The following RIMS2 variants were observed in gnomAD, a reference collection of about 807,000 sequenced individuals.
RIMS2 encodes regulating synaptic membrane exocytosis protein 2.
In RIMS2, 59 loss-of-function variants were observed where a neutral mutation model predicts 174.4. The observed-to-expected ratio is 0.34, with a 90% CI of 0.27 to 0.42. RIMS2 has a LOEUF of 0.42. RIMS2 is among the 10% of genes least tolerant of loss of function. The pLI is 1.00. For missense variants in RIMS2, 1,620 were observed against 1,666.3 expected (o/e 0.97, Z 0.48); for synonymous variants, 606 against 572.5 (o/e 1.06, Z -0.84).
intron 3 of RIMS2, among the ~76,000 whole-genome samples, chr8:103,859,972 A>G (rs2099049972): frequency 6.6e-6 from 1 of 152,106 alleles, no homozygotes; most frequent in African/African-American, 2.4e-5. Flanking sequence ...TAAGACGTGC[A>G]TTCCTCTGTG....
chr8:103,980,149 G>A (rs920433878), intron 16 of RIMS2, among the ~76,000 whole-genome samples: 2 of 152,116 alleles, frequency 1.3e-5, no homozygotes, highest in African/African-American at 4.8e-5. Context: ...CCCAGGCAGT[G>A]CAACTCACAG....
intron 15 of RIMS2, among the ~76,000 whole-genome samples, chr8:103,967,851 C>CCTTTTTTTT (rs1299977306): frequency 2.7e-5 from 3 of 109,556 alleles, no homozygotes; most frequent in Non-Finnish European, 5.5e-5. Context: ...CCTACTCCTG[C>CCTTTTTTTT]TTTTTTTTTT....
Position 104,015,500 on chromosome 8 carries a change from T to G in RIMS2, c.3334+885T>G, listed in dbSNP as rs191953557. 74 of 643,932 alleles carry G rather than the reference T, an allele frequency of 1.1e-4. No homozygotes were observed. The African/African-American group carries it at 1.2e-3, about 11-fold the overall frequency. The allele number at this position is 643,932 out of a possible 1,614,324, so 39.9% of individuals were successfully genotyped here. ...GTTTGTTTTGTGCTAACAGCCTTTTTGGGGGGCTAGTAAGCAAAAATAAAC... is the reference window on the plus strand; with the variant it reads ...GTTTGTTTTGTGCTAACAGCCTTTTGGGGGGGCTAGTAAGCAAAAATAAAC... On this transcript the variant is annotated intron_variant, in intron 19 of 23. Transcript: ENST00000504942.
intron 19 of RIMS2, among the ~76,000 whole-genome samples, chr8:104,034,352 T>C (rs547569398): frequency 2.0e-5 from 3 of 152,192 alleles, no homozygotes; most frequent in Admixed American, 6.5e-5. Context: ...TTTGGATGAA[T>C]TTTGAGTACT....
At chr8:103,623,264 A>G (rs557653412) in intron 1 of RIMS2, among the ~76,000 whole-genome samples, 37 of 152,158 alleles carry the variant, frequency 2.4e-4, no homozygotes, top group Non-Finnish European at 4.3e-4. Context: ...AAAAATGGGG[A>G]GTACAATAGC....
chr8:103,630,323 AC>A, intron 1 of RIMS2, among the ~76,000 whole-genome samples: 1 of 152,282 alleles, frequency 6.6e-6, no homozygotes, highest in South Asian at 2.1e-4. Context: ...TAACAAAAGT[AC>A]TATAAATTCA....
chr8:104,145,395 CTT>C (rs755735039), intron 19 of RIMS2, among the ~76,000 whole-genome samples: 21 of 151,990 alleles, frequency 1.4e-4, no homozygotes, highest in Non-Finnish European at 2.2e-4. Context: ...TGTAATACGT[CTT>C]TTCCTAGCCA....
At chr8:104,100,225 G>T (rs1333643157) in intron 19 of RIMS2, among the ~76,000 whole-genome samples, 3 of 152,034 alleles carry the variant, frequency 2.0e-5, no homozygotes, top group Non-Finnish European at 4.4e-5. Context: ...ATTGTAAATG[G>T]AATTGTTTCA....
chr8:103,849,253 C>T (rs545329388), intron 3 of RIMS2, among the ~76,000 whole-genome samples: 2 of 152,158 alleles, frequency 1.3e-5, no homozygotes, highest in East Asian at 3.9e-4. Context: ...AATCCAACTC[C>T]AGAATTTCCT....
At chr8:103,597,413 C>G (rs556751263) in intron 1 of RIMS2, among the ~76,000 whole-genome samples, 2 of 152,078 alleles carry the variant, frequency 1.3e-5, no homozygotes, top group Non-Finnish European at 2.9e-5. Context: ...TTTATGCATA[C>G]CCTTCTGGCT....
At chr8:103,744,114 C>G (rs556238108) in intron 2 of RIMS2, among the ~76,000 whole-genome samples, 65 of 152,272 alleles carry the variant, frequency 4.3e-4, no homozygotes, top group Non-Finnish European at 7.4e-4. Context: ...GGCAGGATCT[C>G]AGCTAACTGC....
chr8:104,053,780 C>T (rs1009764815), intron 19 of RIMS2, among the ~76,000 whole-genome samples: 4 of 152,094 alleles, frequency 2.6e-5, no homozygotes, highest in South Asian at 2.1e-4. Flanking sequence ...TGTACCAGAA[C>T]CCATGTCCTT....
At chr8:103,624,420 C>CA (rs1478225834) in intron 1 of RIMS2, among the ~76,000 whole-genome samples, 9 of 152,186 alleles carry the variant, frequency 5.9e-5, no homozygotes, top group African/African-American at 1.9e-4. Flanking sequence ...CCTTCAGACT[C>CA]TGACTGAGTT....
intron 4 of RIMS2, among the ~76,000 whole-genome samples, chr8:103,891,657 A>G (rs2099246544): frequency 6.6e-6 from 1 of 152,062 alleles, no homozygotes; most frequent in Non-Finnish European, 1.5e-5. Flanking sequence ...TCTGTATAAA[A>G]TTTTGTGTAA....
chr8:103,827,176 A>C (rs2098796413), intron 3 of RIMS2, among the ~76,000 whole-genome samples: 1 of 152,074 alleles, frequency 6.6e-6, no homozygotes, highest in South Asian at 2.1e-4. Context: ...TAGAGTAGAG[A>C]TCTTGTATGA....
chr8:103,919,274 G>T (rs1337418254), intron 9 of RIMS2, among the ~76,000 whole-genome samples: 1 of 152,158 alleles, frequency 6.6e-6, no homozygotes, highest in Non-Finnish European at 1.5e-5. Context: ...CCAGGTACAG[G>T]ATAGGTGGAT....
At chr8:103,542,417 G>T (rs1842960002) in intron 1 of RIMS2, among the ~76,000 whole-genome samples, 1 of 152,132 alleles carries the variant, frequency 6.6e-6, no homozygotes, top group Non-Finnish European at 1.5e-5. Context: ...ATGTAAAGAA[G>T]AACTGATACC....
At chr8:104,252,110 T>C, downstream of RIMS2, 1 of 437,130 alleles carries the variant, frequency 2.3e-6, no homozygotes, top group Non-Finnish European at 4.1e-6. Context: ...ATCAGTCAGT[T>C]TCATGCAACA....
intron 3 of RIMS2, among the ~76,000 whole-genome samples, chr8:103,809,669 G>A (rs1027483771): frequency 1.3e-5 from 2 of 152,082 alleles, no homozygotes; most frequent in Non-Finnish European, 1.5e-5. Context: ...CTTGAGATTC[G>A]TCACCTTTGG....
Sources: allele counts gnomAD v4.1 joint callset (sites outside exome capture counted in the v4.1 genomes callset), GRCh38; gene constraint gnomAD v4.1.1; transcripts MANE v1.5; gene names NCBI Gene and HGNC (gene_info 2026-07-23, HGNC 2026-07-21).